The following ADK variants were observed in gnomAD, a reference collection of about 807,000 sequenced individuals.
The protein encoded by ADK is N6,N6-dimethyladenosine kinase.
In ADK, 24 loss-of-function variants were observed where a neutral mutation model predicts 44.7. That is an observed-to-expected ratio of 0.54 (90% confidence interval 0.39 to 0.76). The LOEUF is 0.76. Among genes scored for constraint, ADK ranks in the 30% least tolerant of loss-of-function variants. The pLI is 0.00. For synonymous variants in ADK, 128 were observed against 142.6 expected (o/e 0.90, Z 0.73); for missense variants, 321 against 425.1 (o/e 0.76, Z 2.15).
At chr10:74,490,993 T>C (rs1281149274) in intron 6 of ADK, among the ~76,000 whole-genome samples, 1 of 152,178 alleles carries the variant, frequency 6.6e-6, no homozygotes, top group Non-Finnish European at 1.5e-5. Flanking sequence ...CTCTGGGGTT[T>C]AATGTGTCTT....
intron 4 of ADK, among the ~76,000 whole-genome samples, chr10:74,316,467 A>G (rs1840623744): frequency 6.6e-6 from 1 of 152,134 alleles, no homozygotes; most frequent in Non-Finnish European, 1.5e-5. Flanking sequence ...AGTTTCCTTC[A>G]TGCTATTCTC....
At chr10:74,609,459 A>G (rs575104594) in intron 9 of ADK, among the ~76,000 whole-genome samples, 1 of 152,268 alleles carries the variant, frequency 6.6e-6, no homozygotes, top group African/African-American at 2.4e-5. Context: ...TTCTCATGGC[A>G]CAGTCCCTCA....
intron 3 of ADK, among the ~76,000 whole-genome samples, chr10:74,259,497 C>A (rs1428814356): frequency 2.1e-5 from 3 of 144,018 alleles, no homozygotes; most frequent in Non-Finnish European, 4.5e-5. Context: ...TGCTCTGTCA[C>A]CCAGGCTGGA....
chr10:74,368,314 GC>G (rs1842556483), intron 4 of ADK, among the ~76,000 whole-genome samples: 1 of 151,894 alleles, frequency 6.6e-6, no homozygotes, highest in Non-Finnish European at 1.5e-5. Flanking sequence ...GGTTTTTCTT[GC>G]CCAGACTGGT....
chr10:74,538,951 C>G (rs1440754787), intron 7 of ADK, among the ~76,000 whole-genome samples: 3 of 152,130 alleles, frequency 2.0e-5, no homozygotes, highest in Admixed American at 2.0e-4. Flanking sequence ...CTGTGTGAAT[C>G]TATGTGTAAT....
In ADK at chr10:74,655,204, G is replaced by A. The variant is rs531056410; in HGVS notation, c.878-14979G>A. The A allele has an allele frequency of 1.5e-5, 5 of 328,728 alleles. No homozygotes were observed. In the East Asian group the frequency reaches 4.1e-4, roughly 27 times the overall value. The allele number at this position is 328,728 out of a possible 1,614,324, so 20.4% of individuals were successfully genotyped here. A position where few individuals can be genotyped will look rare whatever the true frequency, so the allele number is the denominator to read the frequency against. On this transcript the variant is annotated intron_variant, in intron 9 of 10. Transcript: ENST00000539909. ...ACCGTCAAGAAGGAGAAACATGAAAGGGACAGAGATGGACAGAGACAGGTG... is the reference window on the plus strand; with the variant it reads ...ACCGTCAAGAAGGAGAAACATGAAAAGGACAGAGATGGACAGAGACAGGTG...
chr10:74,251,840 A>AT (rs985143258), intron 3 of ADK, among the ~76,000 whole-genome samples: 9 of 151,682 alleles, frequency 5.9e-5, no homozygotes, highest in African/African-American at 2.2e-4. Flanking sequence ...AATTTACTTA[A>AT]TAAGAAGCTT....
chr10:74,392,449 A>G (rs1390185726), intron 4 of ADK, among the ~76,000 whole-genome samples: 3 of 152,080 alleles, frequency 2.0e-5, no homozygotes, highest in Non-Finnish European at 4.4e-5. Context: ...GGCCATTTAT[A>G]TATCATTTTT....
At chr10:74,364,287 A>G (rs1842431125) in intron 4 of ADK, among the ~76,000 whole-genome samples, 1 of 152,254 alleles carries the variant, frequency 6.6e-6, no homozygotes, top group South Asian at 2.1e-4. Flanking sequence ...CTATCCCACT[A>G]TTGAAACAAA....
chr10:74,674,424 A>G (rs1052915604), intron 10 of ADK, among the ~76,000 whole-genome samples: 1 of 152,316 alleles, frequency 6.6e-6, no homozygotes, highest in African/African-American at 2.4e-5. Flanking sequence ...ACTTGAGGCC[A>G]GGAATTTGAG....
At chr10:74,271,151 A>C (rs1389503107) in intron 3 of ADK, among the ~76,000 whole-genome samples, 4 of 152,160 alleles carry the variant, frequency 2.6e-5, no homozygotes, top group Admixed American at 6.5e-5. Context: ...AATTTTTCTT[A>C]GTATAACATA....
At chr10:74,265,978 C>G (rs985124197) in intron 3 of ADK, among the ~76,000 whole-genome samples, 6 of 151,708 alleles carry the variant, frequency 4.0e-5, no homozygotes, top group Non-Finnish European at 8.8e-5. Context: ...CAAGGGCATA[C>G]TAAATAGTTG....
chr10:74,701,038 C>A (rs1856401523), intron 10 of ADK, among the ~76,000 whole-genome samples: 2 of 152,182 alleles, frequency 1.3e-5, no homozygotes, highest in East Asian at 3.8e-4. Context: ...TAACCCTAAA[C>A]TCTTTTTAGT....
rs151101040 is a variant in ADK, at chr10:74,470,322, G to A, written c.556-54934G>A. ...TTACAGGTGTGAGCCACCGCGCCCAGCCACATTTTCTTTATACATTCATCT... is the reference window on the plus strand; with the variant it reads ...TTACAGGTGTGAGCCACCGCGCCCAACCACATTTTCTTTATACATTCATCT... On this transcript the variant is annotated intron_variant, in intron 6 of 10. Coordinates refer to ENST00000539909, the MANE Select transcript of ADK (RefSeq NM_006721.4). Among the ~76,000 whole-genome samples, 330 of 152,118 alleles carry A rather than the reference G, an allele frequency of 2.2e-3. 2 individuals carry two copies. The highest frequency in any genetic ancestry group is 7.5e-3 in the African/African-American group (312 of 41,502).
Position 74,563,930 on chromosome 10 carries a change from A to G in ADK, c.727-25352A>G, listed in dbSNP as rs531777623. Among the ~76,000 whole-genome samples, 20 of 152,148 alleles carry G rather than the reference A, an allele frequency of 1.3e-4. No individual in the cohort carries two copies. In the Middle Eastern group the frequency reaches 0.01, roughly 78 times the overall value. ...TATTATACTTTAAGTTTTAGGGTAC[A>G]TGTGCACAATGTGCAGGTTAGTTAC... On this transcript the variant is annotated intron_variant, in intron 7 of 10. Coordinates refer to ENST00000539909, the MANE Select transcript of ADK (RefSeq NM_006721.4).
At chr10:74,345,730 T>C (rs1404221597) in intron 4 of ADK, among the ~76,000 whole-genome samples, 6 of 152,198 alleles carry the variant, frequency 3.9e-5, no homozygotes. Flanking sequence ...GATAAGAAAA[T>C]GTGAAAGTAT....
At chr10:74,176,815 CG>C in intron 1 of ADK, 4 of 1,602,328 alleles carry the variant, frequency 2.5e-6, no homozygotes, top group Non-Finnish European at 3.4e-6. Context: ...TGCTGCTGCC[CG>C]AGCGGACGTA....
At chr10:74,314,219 G>C (rs1840542624) in intron 3 of ADK, among the ~76,000 whole-genome samples, 1 of 151,990 alleles carries the variant, frequency 6.6e-6, no homozygotes, top group Non-Finnish European at 1.5e-5. Context: ...GATTCCAAGG[G>C]TAACATTAAG....
chr10:74,654,382 A>G (rs1854399441), intron 9 of ADK, among the ~76,000 whole-genome samples: 1 of 152,226 alleles, frequency 6.6e-6, no homozygotes, highest in African/African-American at 2.4e-5. Context: ...CTCCCGCCCT[A>G]AGAGTCCATG....
Sources: gnomAD v4.1 joint callset for allele counts (sites outside exome capture counted in the v4.1 genomes callset) on GRCh38, gnomAD v4.1.1 for gene constraint, MANE v1.5 for transcripts, NCBI Gene and HGNC (gene_info 2026-07-23, HGNC 2026-07-21) for gene names.